The following TSPAN19 variants were observed in gnomAD, a reference collection of about 807,000 sequenced individuals.
TSPAN19 encodes the protein tetraspanin-19.
A neutral mutation model predicts 35.1 loss-of-function variants in TSPAN19; 44 were observed. The observed-to-expected ratio is 1.25, with a 90% CI of 0.98 to 1.61. TSPAN19 has a LOEUF of 1.61. Among genes scored for constraint, TSPAN19 ranks in the 40% most tolerant of loss-of-function variants. The probability of loss-of-function intolerance (pLI) is 0.00; values close to 1 mark genes in which losing one functional copy is unlikely to be tolerated. For synonymous variants in TSPAN19, 79 were observed against 92.0 expected, an observed-to-expected ratio of 0.86 and a Z score of 0.81; for missense variants, 290 against 280.0, an observed-to-expected ratio of 1.04 and a Z score of -0.26.
At chr12:85,023,816 A>C (rs1233948107) in intron 4 of TSPAN19, among the ~76,000 whole-genome samples, 3 of 152,226 alleles carry the variant, frequency 2.0e-5, no homozygotes, top group Admixed American at 2.0e-4. Flanking sequence ...CAACTGCAAT[A>C]ATAAACTTAA....
chr12:85,028,490 G>A (rs568394773), intron 3 of TSPAN19, among the ~76,000 whole-genome samples: 19 of 152,226 alleles, frequency 1.2e-4, no homozygotes, highest in African/African-American at 4.1e-4. Flanking sequence ...AGCCCTCAGT[G>A]CTAGAGATTA....
chr12:85,014,828 T>C (rs1876701602), intron 8 of TSPAN19: 3 of 239,088 alleles, frequency 1.3e-5, no homozygotes, highest in Middle Eastern at 1.3e-3. Flanking sequence ...CTGAGCTACA[T>C]GCCTGGACAA....
At position 85,029,885 on chromosome 12, in the gene TSPAN19, A is replaced by G. The variant is rs1363794341; in HGVS notation, c.62T>C (p.Phe21Ser). 3 of 1,491,014 alleles carry G rather than the reference A, an allele frequency of 2.0e-6. No individual in the cohort carries two copies. The allele number at this position is 1,491,014 out of a possible 1,614,324, so 92.4% of individuals were successfully genotyped here. A position where few individuals can be genotyped will look rare whatever the true frequency, so the allele number is the denominator to read the frequency against. The change falls in exon 2 of 9, where the codon TTC becomes TCC. Residue 21 changes from phenylalanine to serine, a missense_variant. Coordinates refer to ENST00000532498, the MANE Select transcript of TSPAN19 (RefSeq NM_001100917.2). ...TATAATTATGAAGATTCTTACCAAG[A>G]AAGCTCCATTAATGAGATTAAGAAA... ...KYFLNLINGA[F>S]LVLGLLFMGF...
In TSPAN19 at chr12:85,019,631, T is replaced by C; in HGVS notation, c.445A>G (p.Lys149Glu). ...TTTAGTTAATTTCATCTTACTGTTT[T>C]CTGTAAGGCATTCAGAATAGTCCAC... is the stretch of plus-strand genomic sequence containing the variant. ...TKWTILNALQ[K>E]TLQCCGQHNY... The change falls in exon 6 of 9, where the codon AAA (lysine) becomes GAA (glutamate). Residue 149 changes from lysine to glutamate, a missense_variant. Lys to Glu is a moderately conservative substitution (Grantham distance 56). Coordinates refer to ENST00000532498, the MANE Select transcript of TSPAN19 (RefSeq NM_001100917.2). 4 of 1,583,782 alleles carry C rather than the reference T, an allele frequency of 2.5e-6. No homozygotes were observed. The South Asian group carries it at 4.4e-5, about 18-fold the overall frequency.
At chr12:85,028,188 T>G (rs1877515358) in intron 3 of TSPAN19, among the ~76,000 whole-genome samples, 165 bp from the exon 4 acceptor site, 1 of 152,190 alleles carries the variant, frequency 6.6e-6, no homozygotes. Context: ...ATTTTTGACC[T>G]CATGTACCAG....
intron 3 of TSPAN19, 122 bp from the exon 4 acceptor site, chr12:85,028,145 C>A (rs957941618): frequency 6.9e-6 from 5 of 726,774 alleles, no homozygotes; most frequent in Non-Finnish European, 1.0e-5. Context: ...TGTTGCCAAA[C>A]CACTAGGATT....
chr12:85,022,411 A>T (rs1449415095), intron 5 of TSPAN19, among the ~76,000 whole-genome samples: 1 of 152,122 alleles, frequency 6.6e-6, no homozygotes, highest in African/African-American at 2.4e-5. Flanking sequence ...GATAGATATA[A>T]AGAAAATCTA....
intron 3 of TSPAN19, among the ~76,000 whole-genome samples, chr12:85,028,411 T>C (rs1292403657): frequency 6.6e-6 from 1 of 152,222 alleles, no homozygotes; most frequent in Non-Finnish European, 1.5e-5. Context: ...GTTAGATGTA[T>C]ACACCCTGAA....
intron 4 of TSPAN19, 25 bp downstream of exon 4, chr12:85,027,874 C>G: frequency 6.5e-7 from 1 of 1,537,772 alleles, no homozygotes; most frequent in Non-Finnish European, 8.7e-7. Flanking sequence ...GACAAAAATT[C>G]AAACTATTGA....
chr12:85,031,936 G>T (rs1047004960), intron 1 of TSPAN19, among the ~76,000 whole-genome samples: 16 of 151,852 alleles, frequency 1.1e-4, no homozygotes, highest in African/African-American at 3.9e-4. Context: ...GGTCAGAAAA[G>T]GCCAATTACA....
chr12:85,020,683 C>T (rs528232212), intron 5 of TSPAN19, among the ~76,000 whole-genome samples: 2 of 152,058 alleles, frequency 1.3e-5, no homozygotes, highest in African/African-American at 4.8e-5. Context: ...GGGGTCCTGT[C>T]CTATATGCAG....
intron 5 of TSPAN19, among the ~76,000 whole-genome samples, chr12:85,022,344 C>T (rs1877172952): frequency 6.6e-6 from 1 of 151,968 alleles, no homozygotes; most frequent in Non-Finnish European, 1.5e-5. Context: ...AGTTGGAGGG[C>T]AATGGTATCA....
chr12:85,020,228 C>A (rs1462233138), intron 5 of TSPAN19, among the ~76,000 whole-genome samples: 1 of 150,962 alleles, frequency 6.6e-6, no homozygotes, highest in Non-Finnish European at 1.5e-5. Flanking sequence ...TATACTTGGT[C>A]AGACAAATGT....
chr12:85,017,602 A>G lies in TSPAN19; in HGVS notation c.451-3T>C. Reference sequence around the variant, plus strand: ...TTATGTTGGCCACAACACTGTAACTAGGAAAAAGCTTATATGAATTTTACC... The same window carrying G: ...TTATGTTGGCCACAACACTGTAACTGGGAAAAAGCTTATATGAATTTTACC... On this transcript the variant is annotated splice_region_variant and splice_polypyrimidine_tract_variant and intron_variant, in intron 6 of 8. Coordinates refer to ENST00000532498, the MANE Select transcript of TSPAN19 (RefSeq NM_001100917.2). 5 of 1,548,974 alleles carry G rather than the reference A, an allele frequency of 3.2e-6. No homozygotes were observed. Among genetic ancestry groups the G allele is most frequent in the Non-Finnish European group, 4.4e-6 (5 of 1,148,766 alleles).
chr12:85,028,156 C>G, intron 3 of TSPAN19, 133 bp from the exon 4 acceptor site: 2 of 589,320 alleles, frequency 3.4e-6, no homozygotes, highest in Non-Finnish European at 5.5e-6. Context: ...CACTAGGATT[C>G]TCTGTCTCTC....
intron 4 of TSPAN19, 59 bp from the exon 5 acceptor site, chr12:85,023,459 C>CA: frequency 7.5e-7 from 1 of 1,332,592 alleles, no homozygotes; most frequent in Admixed American, 2.0e-5. Flanking sequence ...TTTGTATGCT[C>CA]AAATAATGGG....
At chr12:85,017,076 C>A in intron 7 of TSPAN19, 1 of 195,354 alleles carries the variant, frequency 5.1e-6, no homozygotes, top group Non-Finnish European at 1.0e-5. Context: ...GGGTCCACTC[C>A]CTTTAGTTTT....
intron 7 of TSPAN19, chr12:85,017,200 G>C: frequency 2.8e-6 from 1 of 362,194 alleles, no homozygotes; most frequent in Non-Finnish European, 4.9e-6. Context: ...TGGGGAGAAA[G>C]ACTGATGATA....
At chr12:85,024,438 C>T (rs929396555) in intron 4 of TSPAN19, among the ~76,000 whole-genome samples, 5 of 152,088 alleles carry the variant, frequency 3.3e-5, no homozygotes, top group Admixed American at 2.0e-4. Context: ...AAAGTGATTT[C>T]CTGCTGGTAA....
Sources: gnomAD v4.1 joint callset for allele counts (sites outside exome capture counted in the v4.1 genomes callset) on GRCh38, gnomAD v4.1.1 for gene constraint, MANE v1.5 for transcripts, NCBI Gene and HGNC (gene_info 2026-07-23, HGNC 2026-07-21) for gene names.